TG: variants seen among roughly 807,000 people sequenced by gnomAD.
TG encodes the protein thyroglobulin, also known as thyroid hormones.
In TG, 270 loss-of-function variants were observed where a neutral mutation model predicts 324.7. That is an observed-to-expected ratio of 0.83 (90% confidence interval 0.75 to 0.92). The LOEUF is 0.92. Among genes scored for constraint, TG ranks in the 40% least tolerant of loss-of-function variants. The pLI is 0.00. For synonymous variants in TG, 1,401 were observed against 1,327.0 expected (o/e 1.06, Z -1.21); for missense variants, 3,591 against 3,456.4 (o/e 1.04, Z -0.98).
chr8:133,067,885 AGTATGTAT>A (rs58040192), intron 41 of TG, among the ~76,000 whole-genome samples: 41,792 of 131,340 alleles, frequency 0.32, 6,700 homozygotes, highest in East Asian at 0.43. Flanking sequence ...GAAGGAAGGA[AGTATGTAT>A]GGAAGGAAGG....
intron 24 of TG, among the ~76,000 whole-genome samples, chr8:132,935,153 T>A (rs1232174921): frequency 1.5e-5 from 2 of 131,832 alleles, no homozygotes; most frequent in Non-Finnish European, 3.5e-5. Context: ...TTTTTTTTTT[T>A]CTTTTGAGAC....
chr8:133,080,413 T>C (rs1845572443), intron 41 of TG, among the ~76,000 whole-genome samples: 1 of 152,122 alleles, frequency 6.6e-6, no homozygotes, highest in Non-Finnish European at 1.5e-5. Context: ...CCTAGGCTCA[T>C]GGGCTCTGGA....
intron 16 of TG, among the ~76,000 whole-genome samples, chr8:132,906,360 T>G (rs1374715932): frequency 6.6e-6 from 1 of 152,004 alleles, no homozygotes; most frequent in Non-Finnish European, 1.5e-5. Flanking sequence ...GCCTGGATGG[T>G]GGGCTTTGAG....
chr8:133,067,476 G>A (rs981390189), intron 41 of TG, among the ~76,000 whole-genome samples: 2 of 152,132 alleles, frequency 1.3e-5, no homozygotes, highest in Non-Finnish European at 2.9e-5. Context: ...AACCCCTGGG[G>A]AAGAACGTGG....
At chr8:132,906,512 C>A (rs928852162) in intron 16 of TG, among the ~76,000 whole-genome samples, 176 bp from the exon 17 acceptor site, 12 of 151,994 alleles carry the variant, frequency 7.9e-5, no homozygotes, top group African/African-American at 2.9e-4. Context: ...AAGTAGAGGG[C>A]AGGGCAGAGA....
intron 4 of TG, 136 bp from the exon 5 acceptor site, chr8:132,872,926 C>A: frequency 3.1e-6 from 3 of 968,484 alleles, no homozygotes; most frequent in Non-Finnish European, 4.7e-6. Context: ...GATGTTCACA[C>A]GACAATGAAA....
intron 26 of TG, among the ~76,000 whole-genome samples, chr8:132,941,974 C>G (rs1240715148): frequency 6.6e-6 from 1 of 152,214 alleles, no homozygotes. Context: ...TCAGCTCATT[C>G]CCATTTCCCA....
intron 3 of TG, 100 bp downstream of exon 3, chr8:132,869,926 C>T: frequency 9.9e-7 from 1 of 1,008,740 alleles, no homozygotes; most frequent in Non-Finnish European, 1.5e-6. Context: ...GCAGGTCCTC[C>T]CTCTGGGCTG....
rs1587721452 is a variant in TG at position 132,997,935 on chromosome 8, C to T, written c.6263-13966C>T. Among the ~76,000 whole-genome samples the T allele has an allele frequency of 2.6e-5, 4 of 152,192 alleles. No individual in the cohort carries two copies. In the East Asian group the frequency reaches 7.7e-4, roughly 29 times the overall value. On this transcript the variant is annotated intron_variant, in intron 35 of 47. Coordinates refer to ENST00000220616, the MANE Select transcript of TG (RefSeq NM_003235.5). ...GAAACCCAGACCATGAGATGAGAAA[C>T]TTTGGGTTAAAGTGTTTTTCTTACA...
intron 20 of TG, 43 bp from the exon 21 acceptor site, chr8:132,919,333 C>G (rs754286742): frequency 2.6e-5 from 42 of 1,598,200 alleles, no homozygotes; most frequent in East Asian, 4.5e-5. Flanking sequence ...AACTGTGAAG[C>G]ATGTGTCTTG....
intron 41 of TG, chr8:133,049,814 A>T: frequency 1.1e-6 from 1 of 927,982 alleles, no homozygotes; most frequent in Non-Finnish European, 1.8e-6. Context: ...CTTCCTTACC[A>T]CTATGAATGC....
At chr8:133,112,592 G>A (rs964384958) in intron 43 of TG, among the ~76,000 whole-genome samples, 2 of 151,828 alleles carry the variant, frequency 1.3e-5, no homozygotes, top group East Asian at 1.9e-4. Flanking sequence ...GGAAGAGAAG[G>A]TGAGGGAAGG....
chr8:133,001,114 A>T lies in TG; in HGVS notation c.6263-10787A>T, dbSNP rs570660960. On this transcript the variant is annotated intron_variant, in intron 35 of 47. Transcript: ENST00000220616. ...AAGGACACCAGACCACCATTGGATTAAGGCCTACTCTAATGAACTCATTTT... is the reference window on the plus strand; with the variant it reads ...AAGGACACCAGACCACCATTGGATTTAGGCCTACTCTAATGAACTCATTTT... Among the ~76,000 whole-genome samples the T allele has an allele frequency of 2.0e-5, 3 of 152,278 alleles. 1 individual carries two copies. The South Asian group carries it at 6.2e-4, about 32-fold the overall frequency.
In TG at chr8:132,983,399, C is replaced by A; in HGVS notation, c.6249C>A (p.Ser2083=). Residue 2083 remains serine, a synonymous_variant, in exon 35 of 48, where the codon TCC becomes TCA. Transcript: ENST00000220616. ...TTTGCCCTTTGGTTGTTCTGCCTTC[C>A]CTCACAGAGAAAGGTAAGTTCATTG... ...PSFCPLVVLP[S]LTEKVSLDSW... 1 of 1,614,092 alleles carries A rather than the reference C, an allele frequency of 6.2e-7. No individual in the cohort carries two copies.
At position 132,871,499 on chromosome 8, in the gene TG, C is replaced by T. The variant is rs114477962; in HGVS notation, c.426C>T (p.Asp142=). 6.4e-4 allele frequency: 1,026 copies of T among 1,614,070 alleles called. 8 individuals carry two copies. The East Asian group carries it at 0.014, about 23-fold the overall frequency. Residue 142 remains aspartate (D), a synonymous_variant, in exon 4 of 48, where the codon GAC becomes GAT. Coordinates refer to ENST00000220616, the MANE Select transcript of TG (RefSeq NM_003235.5). ...AGCAGGTCCAGTGCTGGTGTGTGGACGCAGAGGGGATGGAGGTGTATGGGA... is the reference window on the plus strand; with the variant it reads ...AGCAGGTCCAGTGCTGGTGTGTGGATGCAGAGGGGATGGAGGTGTATGGGA... ...DVQQVQCWCV[D]AEGMEVYGTR... is the part of the protein sequence containing the mutation.
At chr8:132,888,909 G>A (rs759483533) in intron 10 of TG, among the ~76,000 whole-genome samples, 4 of 152,170 alleles carry the variant, frequency 2.6e-5, no homozygotes, top group East Asian at 3.8e-4. Flanking sequence ...CCTGGCCCTC[G>A]TCCTCCTATG....
At chr8:132,991,417 T>C (rs1418769159) in intron 35 of TG, among the ~76,000 whole-genome samples, 1 of 152,206 alleles carries the variant, frequency 6.6e-6, no homozygotes, top group Non-Finnish European at 1.5e-5. Flanking sequence ...CTTCATCCCT[T>C]TGGTCCTCAG....
chr8:132,973,859 T>G (rs1829849588), intron 34 of TG, among the ~76,000 whole-genome samples: 1 of 152,128 alleles, frequency 6.6e-6, no homozygotes, highest in Non-Finnish European at 1.5e-5. Flanking sequence ...GTGGCTTCCT[T>G]ATTAGTTTCA....
At chr8:133,102,661 A>G in intron 43 of TG, 1 of 1,155,134 alleles carries the variant, frequency 8.7e-7, no homozygotes, top group Non-Finnish European at 1.3e-6. Flanking sequence ...TGTCATGGGG[A>G]ATTTCTCCCC....
Sources: gnomAD v4.1 joint callset for allele counts (sites outside exome capture counted in the v4.1 genomes callset) on GRCh38, gnomAD v4.1.1 for gene constraint, MANE v1.5 for transcripts, NCBI Gene and HGNC (gene_info 2026-07-23, HGNC 2026-07-21) for gene names.